The following TMEM132B variants were observed in gnomAD, a reference collection of about 807,000 sequenced individuals.
The protein encoded by TMEM132B is transmembrane protein 132B.
In TMEM132B, 18 loss-of-function variants were observed where a neutral mutation model predicts 90.8. The observed-to-expected ratio is 0.20, with a 90% CI of 0.14 to 0.29. TMEM132B has a LOEUF of 0.29. TMEM132B is among the 10% of genes least tolerant of loss of function. The probability of loss-of-function intolerance (pLI) is 1.00; values close to 1 mark genes in which losing one functional copy is unlikely to be tolerated. For missense variants in TMEM132B, 1,096 were observed against 1,326.8 expected (o/e 0.83, Z 2.70); for synonymous variants, 504 against 523.3 (o/e 0.96, Z 0.50).
chr12:125,347,093 T>G (rs325093), intron 1 of TMEM132B, among the ~76,000 whole-genome samples: 13,084 of 152,268 alleles, frequency 0.086, 674 homozygotes, highest in East Asian at 0.22. Flanking sequence ...GGTGAATTCC[T>G]GGGATGGGCA....
chr12:125,419,934 G>T (rs905147037), intron 3 of TMEM132B, among the ~76,000 whole-genome samples: 2 of 152,178 alleles, frequency 1.3e-5, no homozygotes, highest in African/African-American at 4.8e-5. Context: ...GGCACTCAAA[G>T]CTCTAAAATG....
chr12:125,276,223 A>T (rs1874981868), intron 1 of TMEM132B, among the ~76,000 whole-genome samples: 1 of 152,198 alleles, frequency 6.6e-6, no homozygotes. Flanking sequence ...GACAAACCCT[A>T]TTCTTAGAAC....
intron 5 of TMEM132B, among the ~76,000 whole-genome samples, chr12:125,620,005 G>A (rs1886082073): frequency 6.6e-6 from 1 of 152,152 alleles, no homozygotes; most frequent in Non-Finnish European, 1.5e-5. Context: ...AGGAGGTGCT[G>A]TCATTCTGGG....
At chr12:125,476,282 G>T (rs1264453970) in intron 3 of TMEM132B, among the ~76,000 whole-genome samples, 1 of 152,196 alleles carries the variant, frequency 6.6e-6, no homozygotes. Flanking sequence ...GACATTTTAA[G>T]CAGGTAGGGA....
chr12:125,477,618 C>G (rs911945636), intron 3 of TMEM132B, among the ~76,000 whole-genome samples: 8 of 151,988 alleles, frequency 5.3e-5, no homozygotes, highest in African/African-American at 1.9e-4. Context: ...TATTGATCAA[C>G]TTTTGAGGTC....
At chr12:125,529,566 G>A (rs745593838) in intron 4 of TMEM132B, among the ~76,000 whole-genome samples, 1 of 152,150 alleles carries the variant, frequency 6.6e-6, no homozygotes, top group Non-Finnish European at 1.5e-5. Flanking sequence ...TTTGCTGGTC[G>A]CTGGGATTCA....
At chr12:125,377,765 A>C (rs936823648) in intron 2 of TMEM132B, among the ~76,000 whole-genome samples, 2 of 152,062 alleles carry the variant, frequency 1.3e-5, no homozygotes, top group Admixed American at 6.5e-5. Flanking sequence ...GTTTTCTTTA[A>C]AGAGAATCTC....
chr12:125,584,066 G>C (rs187685042), intron 5 of TMEM132B, 72 bp downstream of exon 5: 16 of 1,606,886 alleles, frequency 1.0e-5, no homozygotes, highest in Non-Finnish European at 1.4e-5. Flanking sequence ...TGTCTCCAAG[G>C]TCTTGTTCTC....
chr12:125,438,905 T>TTA (rs1880780947), intron 3 of TMEM132B, among the ~76,000 whole-genome samples: 1 of 152,246 alleles, frequency 6.6e-6, no homozygotes, highest in African/African-American at 2.4e-5. Context: ...TCTAGTTCTT[T>TTA]TATCCCTTTG....
intron 2 of TMEM132B, among the ~76,000 whole-genome samples, chr12:125,399,483 A>ATGTG (rs1555246075): frequency 1.3e-3 from 92 of 69,922 alleles, no homozygotes; most frequent in African/African-American, 2.3e-3. Context: ...GTGTGTGTGT[A>ATGTG]TGTGTGTGTG....
rs1887069826 is a variant in TMEM132B, at chr12:125,656,716, T to C, written c.*2006T>C. 1 of 152,106 alleles carries C rather than the reference T, an allele frequency of 6.6e-6. No individual in the cohort carries two copies. The highest frequency in any genetic ancestry group is 6.5e-5 in the Admixed American group (1 of 15,276). 9.4% of individuals were successfully genotyped at this position (152,106 alleles called of 1,614,324 possible). ...GTCAGCCAAAAGCTTTTCAAAGAGT[T>C]TGGTGCAGAGGTAGCTCAGAGCCAA... On this transcript the variant is annotated 3_prime_UTR_variant, in exon 9 of 9. Coordinates refer to ENST00000682704, the MANE Select transcript of TMEM132B (RefSeq NM_001366854.1).
intron 1 of TMEM132B, among the ~76,000 whole-genome samples, chr12:125,245,529 TG>T (rs912401243): frequency 3.3e-5 from 5 of 151,990 alleles, no homozygotes; most frequent in East Asian, 1.9e-4. Context: ...GGACCCAGGA[TG>T]GGGGGCTTCG....
chr12:125,589,092 A>C (rs1168471569), intron 5 of TMEM132B, among the ~76,000 whole-genome samples: 1 of 152,198 alleles, frequency 6.6e-6, no homozygotes, highest in Non-Finnish European at 1.5e-5. Flanking sequence ...ATATTTATTG[A>C]CATATTGAAA....
chr12:125,493,898 T>C (rs1268262054), intron 3 of TMEM132B, among the ~76,000 whole-genome samples: 2 of 114,900 alleles, frequency 1.7e-5, no homozygotes, highest in African/African-American at 3.4e-5. Flanking sequence ...TCCCTGGAAA[T>C]GGCCATGTCC....
chr12:125,220,930 G>A (rs1303882851), intron 1 of TMEM132B, among the ~76,000 whole-genome samples: 2 of 152,242 alleles, frequency 1.3e-5, no homozygotes, highest in African/African-American at 4.8e-5. Context: ...TTGTCCCAGA[G>A]AGGCCCAGCA....
intron 3 of TMEM132B, among the ~76,000 whole-genome samples, chr12:125,496,823 G>A (rs1882574158): frequency 1.3e-5 from 2 of 152,188 alleles, no homozygotes; most frequent in South Asian, 4.1e-4. Flanking sequence ...GGCCTTGCGA[G>A]GACCACTCTC....
intron 1 of TMEM132B, among the ~76,000 whole-genome samples, chr12:125,307,423 T>G (rs1343847299): frequency 6.6e-6 from 1 of 152,184 alleles, no homozygotes; most frequent in African/African-American, 2.4e-5. Flanking sequence ...TCTTAACCTC[T>G]CTGTACTTTG....
chr12:125,618,933 T>C (rs2136964319), intron 5 of TMEM132B, among the ~76,000 whole-genome samples: 1 of 152,354 alleles, frequency 6.6e-6, no homozygotes, highest in Middle Eastern at 3.4e-3. Flanking sequence ...TTTAAATTTA[T>C]GGTAATTTCT....
In TMEM132B at chr12:125,460,260, G is replaced by A. The variant is rs1881401896; in HGVS notation, c.1106+44583G>A. The stretch of plus-strand genomic sequence containing the variant: ...AATCCCAGCACTTTGGGAGGCCGAG[G>A]TGGGTGGATCACCTGAGGTCAGGAG... On this transcript the variant is annotated intron_variant, in intron 3 of 8. Transcript: ENST00000682704. This position sits in a 1 kb window ranked among gnomAD's most constrained non-coding sequence, Gnocchi z 4.4. Among the ~76,000 whole-genome samples, 2 of 152,166 alleles carry A rather than the reference G, an allele frequency of 1.3e-5. No homozygotes were observed. Among genetic ancestry groups the A allele is most frequent in the African/African-American group, 4.8e-5 (2 of 41,444 alleles).
Sources: gnomAD v4.1 joint callset for allele counts (sites outside exome capture counted in the v4.1 genomes callset) on GRCh38, gnomAD v4.1.1 for gene constraint, Gnocchi (gnomAD v3.1) non-coding constraint, MANE v1.5 for transcripts, NCBI Gene and HGNC (gene_info 2026-07-23, HGNC 2026-07-21) for gene names.